Variants in COG3 observed in about 807,000 individuals in gnomAD.
The protein encoded by COG3 is conserved oligomeric Golgi complex subunit 3.
A neutral mutation model predicts 114.1 loss-of-function variants in COG3; 32 were observed. The ratio of observed to expected loss-of-function variants is 0.28; its 90% CI spans 0.21 to 0.38. COG3 has a LOEUF of 0.38. Ranked by LOEUF, COG3 falls within the 10% of genes least tolerant of loss-of-function variation. COG3 has a pLI of 1.00. For synonymous variants in COG3, 352 were observed against 365.7 expected (o/e 0.96, Z 0.43); for missense variants, 813 against 973.2 (o/e 0.84, Z 2.19).
chr13:45,504,557 A>G (rs1047746012), intron 14 of COG3, among the ~76,000 whole-genome samples: 4 of 152,204 alleles, frequency 2.6e-5, no homozygotes, highest in African/African-American at 9.6e-5. Context: ...CTGATCAGGA[A>G]GTTGTTATAT....
intron 7 of COG3, among the ~76,000 whole-genome samples, chr13:45,485,224 A>AG (rs1175431983): frequency 4.0e-5 from 2 of 49,886 alleles, no homozygotes; most frequent in Non-Finnish European, 7.9e-5. Context: ...CTGGCCGGGC[A>AG]GGGGGGCTGA....
intron 20 of COG3, among the ~76,000 whole-genome samples, chr13:45,525,551 T>C (rs1377475476): frequency 6.8e-6 from 1 of 146,104 alleles, no homozygotes; most frequent in African/African-American, 2.5e-5. Flanking sequence ...GGCAATACTA[T>C]TGTCTGATTG....
In COG3 at chr13:45,464,968, A is replaced by G. The variant is rs542249909; in HGVS notation, c.-69A>G. 5.8e-5 allele frequency: 87 copies of G among 1,498,172 alleles called. No individual in the cohort carries two copies. The South Asian group carries it at 1.1e-3, about 18-fold the overall frequency. The allele number at this position is 1,498,172 out of a possible 1,614,324, so 92.8% of individuals were successfully genotyped here. A position where few individuals can be genotyped will look rare whatever the true frequency, so the allele number is the denominator to read the frequency against. On this transcript the variant is annotated 5_prime_UTR_variant, in exon 1 of 23. Transcript: ENST00000349995. ...TGTTGGAAGCTCCGGTTCTCCCGGAAGTGGCCCAGGTCTCTCTGTCGGGGT... is the reference window on the plus strand; with the variant it reads ...TGTTGGAAGCTCCGGTTCTCCCGGAGGTGGCCCAGGTCTCTCTGTCGGGGT...
intron 1 of COG3, among the ~76,000 whole-genome samples, chr13:45,467,362 C>A (rs71431373): frequency 0.086 from 13,109 of 152,230 alleles, 745 homozygotes; most frequent in African/African-American, 0.15. Flanking sequence ...GAGGCTAAGG[C>A]GGGAGAATCA....
chr13:45,530,270 G>A (rs1026539964), intron 21 of COG3, among the ~76,000 whole-genome samples: 2 of 152,208 alleles, frequency 1.3e-5, no homozygotes, highest in African/African-American at 4.8e-5. Flanking sequence ...TAAATGGCTT[G>A]CAGTGGCAAC....
intron 20 of COG3, among the ~76,000 whole-genome samples, chr13:45,527,933 A>C (rs1442587400): frequency 6.6e-6 from 1 of 152,140 alleles, no homozygotes. Flanking sequence ...ATCTCGAGAG[A>C]GAGCTAGGAA....
intron 1 of COG3, among the ~76,000 whole-genome samples, chr13:45,475,302 G>A (rs1310830671): frequency 6.6e-6 from 1 of 152,032 alleles, no homozygotes; most frequent in African/African-American, 2.4e-5. Context: ...GGCTCTGGTG[G>A]TCCTCCCATC....
intron 1 of COG3, among the ~76,000 whole-genome samples, chr13:45,469,833 A>G (rs1260711276): frequency 6.6e-6 from 1 of 152,196 alleles, no homozygotes; most frequent in Non-Finnish European, 1.5e-5. Context: ...TTATATTCAT[A>G]TATTTTGAAT....
At chr13:45,493,148 A>G (rs2137832447) in intron 11 of COG3, among the ~76,000 whole-genome samples, 199 bp from the exon 12 acceptor site, 1 of 152,300 alleles carries the variant, frequency 6.6e-6, no homozygotes, top group African/African-American at 2.4e-5. Context: ...GGATTGCTTG[A>G]TTCTGAGCTT....
chr13:45,516,807 T>G (rs114309687), intron 17 of COG3, among the ~76,000 whole-genome samples: 1,936 of 152,316 alleles, frequency 0.013, 40 homozygotes, highest in African/African-American at 0.039. Context: ...TCATGATACC[T>G]TCACGAGGTT....
At position 45,465,108 on chromosome 13, in the gene COG3, C is replaced by G; in HGVS notation, c.72C>G (p.Leu24=). The part of the protein sequence containing the change: ...AERDAREKLA[L]WDRRPDTTAP... ...GGGACGCTAGGGAAAAGCTGGCTCT[C>G]TGGGATCGGAGACCGGACACGACGG... Residue 24 remains leucine, a synonymous_variant, in exon 1 of 23, where the codon CTC becomes CTG. Transcript: ENST00000349995. The G allele has an allele frequency of 6.2e-7, 1 of 1,612,776 alleles. No individual in the cohort carries two copies. Among genetic ancestry groups the G allele is most frequent in the East Asian group, 2.2e-5 (1 of 44,848 alleles).
At chr13:45,501,280 T>C (rs989788951) in intron 13 of COG3, among the ~76,000 whole-genome samples, 1 of 152,158 alleles carries the variant, frequency 6.6e-6, no homozygotes, top group Admixed American at 6.6e-5. Flanking sequence ...GGGAGATTGG[T>C]CTCTTTTTCC....
chr13:45,469,589 CAG>C (rs1885346775), intron 1 of COG3, among the ~76,000 whole-genome samples: 1 of 152,144 alleles, frequency 6.6e-6, no homozygotes, highest in South Asian at 2.1e-4. Context: ...TGACAGTAAA[CAG>C]GGAACAGATA....
At position 45,529,875 on chromosome 13, in the gene COG3, T is replaced by C. The variant is rs1228758165; in HGVS notation, c.2315T>C (p.Leu772Pro). 1 of 1,613,194 alleles carries C rather than the reference T, an allele frequency of 6.2e-7. No individual in the cohort carries two copies. The highest frequency in any genetic ancestry group is 1.1e-5 in the South Asian group (1 of 90,894). The part of the protein sequence containing the change: ...PVTLRSMSLY[L>P]SNKDTEFILF... ...ACATTGAGAAGTATGTCCTTGTACC[T>C]ATCCAATAAAGATACCGAGTTCATC... The change falls in exon 21 of 23, where the codon CTA becomes CCA. Residue 772 changes from leucine (L) to proline (P), a missense_variant. By Grantham distance (98) the Leu-to-Pro change is moderately conservative. Around this residue, in one of 2 missense-constraint regions of COG3, gnomAD observed 389 missense variants for 542.6 expected, o/e 0.72. Coordinates refer to ENST00000349995, the MANE Select transcript of COG3 (RefSeq NM_031431.4).
At chr13:45,512,355 AG>A (rs1870957098) in intron 16 of COG3, among the ~76,000 whole-genome samples, 1 of 152,144 alleles carries the variant, frequency 6.6e-6, no homozygotes, top group Non-Finnish European at 1.5e-5. Context: ...GTTTTGAGAC[AG>A]GGTCTTGCTT....
In COG3 at chr13:45,535,885, G is replaced by C; in HGVS notation, c.*1154G>C. ...GGCAGCCAGCTTCTTAGTTCAAAAA[G>C]AATTCTGAGTTTTTCAAACACTAGT... On this transcript the variant is annotated 3_prime_UTR_variant, in exon 23 of 23. Transcript: ENST00000349995. The C allele has an allele frequency of 1.0e-6, 1 of 987,558 alleles. No homozygotes were observed. Among genetic ancestry groups the C allele is most frequent in the Non-Finnish European group, 1.2e-6 (1 of 830,092 alleles). 61.2% of individuals were successfully genotyped at this position (987,558 alleles called of 1,614,324 possible).
In COG3 at chr13:45,535,779, G is replaced by A; in HGVS notation, c.*1048G>A. The A allele has an allele frequency of 1.0e-6, 1 of 987,528 alleles. No homozygotes were observed. The allele number at this position is 987,528 out of a possible 1,614,324, so 61.2% of individuals were successfully genotyped here. A position where few individuals can be genotyped will look rare whatever the true frequency, so the allele number is the denominator to read the frequency against. On this transcript the variant is annotated 3_prime_UTR_variant, in exon 23 of 23. Coordinates refer to ENST00000349995, the MANE Select transcript of COG3 (RefSeq NM_031431.4). ...ATCTGAAAACTACCACACCATATCA[G>A]GGATCATAAATTATGCATATCTATG...
chr13:45,506,601 G>A (rs1870178990), intron 14 of COG3, among the ~76,000 whole-genome samples: 1 of 152,190 alleles, frequency 6.6e-6, no homozygotes, highest in Non-Finnish European at 1.5e-5. Context: ...GGAAGAGAAA[G>A]TCTTTGGAGT....
intron 1 of COG3, among the ~76,000 whole-genome samples, chr13:45,471,747 T>A (rs1375215452): frequency 6.6e-6 from 1 of 152,142 alleles, no homozygotes; most frequent in Non-Finnish European, 1.5e-5. Flanking sequence ...TGGTCTTTTT[T>A]TTGAGACGGA....
Sources: allele counts gnomAD v4.1 joint callset (sites outside exome capture counted in the v4.1 genomes callset), GRCh38; gene constraint gnomAD v4.1.1; regional missense constraint gnomAD v4.1.1; transcripts MANE v1.5; gene names NCBI Gene and HGNC (gene_info 2026-07-23, HGNC 2026-07-21).